The following FHIT variants were observed in gnomAD, a reference collection of about 807,000 sequenced individuals.
FHIT encodes the protein fragile histidine triad diadenosine triphosphatase.
A neutral mutation model predicts 17.9 loss-of-function variants in FHIT; 19 were observed. The ratio of observed to expected loss-of-function variants is 1.06; its 90% CI spans 0.74 to 1.56. The LOEUF (loss-of-function observed/expected upper bound fraction) is 1.56. Ranked by LOEUF, FHIT falls within the 40% of genes most tolerant of loss-of-function variation. The pLI, the probability that FHIT is intolerant of heterozygous loss-of-function variation, is 0.00. For missense variants in FHIT, 248 were observed against 189.2 expected (o/e 1.31, Z -1.82); for synonymous variants, 81 against 69.7 (o/e 1.16, Z -0.81).
intron 5 of FHIT, among the ~76,000 whole-genome samples, chr3:60,240,432 C>T (rs1027633325): frequency 6.6e-6 from 1 of 152,030 alleles, no homozygotes; most frequent in Non-Finnish European, 1.5e-5. Flanking sequence ...CATATGCTAC[C>T]GAGGATGCAA....
chr3:60,563,404 T>C (rs2107647905), intron 4 of FHIT, among the ~76,000 whole-genome samples: 1 of 152,278 alleles, frequency 6.6e-6, no homozygotes, highest in Non-Finnish European at 1.5e-5. Context: ...AACCCTACAA[T>C]CGCCTTTTAA....
intron 8 of FHIT, among the ~76,000 whole-genome samples, chr3:59,781,485 C>T (rs528457835): frequency 1.3e-5 from 2 of 152,208 alleles, no homozygotes; most frequent in East Asian, 3.9e-4. Context: ...TTTGTTTGAC[C>T]TTTAGCTAAA....
At chr3:61,072,817 A>T (rs1207585472) in intron 2 of FHIT, among the ~76,000 whole-genome samples, 4 of 152,186 alleles carry the variant, frequency 2.6e-5, no homozygotes, top group Non-Finnish European at 4.4e-5. Context: ...ATAAAAAATA[A>T]AAAAAAGTCT....
intron 4 of FHIT, among the ~76,000 whole-genome samples, chr3:60,660,727 C>CTTTTT (rs1220817643): frequency 3.3e-3 from 55 of 16,736 alleles, no homozygotes; most frequent in African/African-American, 6.6e-3. Context: ...TTTTATTGTG[C>CTTTTT]TCTTTTTTTT....
chr3:59,777,434 T>C (rs1460237085), intron 8 of FHIT, among the ~76,000 whole-genome samples: 1 of 151,866 alleles, frequency 6.6e-6, no homozygotes, highest in African/African-American at 2.4e-5. Flanking sequence ...GTAAAGTAAA[T>C]AGCACTATCA....
chr3:59,817,526 G>A (rs1700641444), intron 8 of FHIT, among the ~76,000 whole-genome samples: 1 of 129,988 alleles, frequency 7.7e-6, no homozygotes, highest in Admixed American at 9.7e-5. Context: ...TCGTGCCACT[G>A]TACTCCACCC....
At chr3:60,074,707 G>A (rs1442192394) in intron 5 of FHIT, among the ~76,000 whole-genome samples, 1 of 149,674 alleles carries the variant, frequency 6.7e-6, no homozygotes, top group Non-Finnish European at 1.5e-5. Flanking sequence ...TGTTCTTGTT[G>A]GCAGAAATTA....
intron 4 of FHIT, among the ~76,000 whole-genome samples, chr3:60,792,539 T>C (rs1203169932): frequency 6.6e-6 from 1 of 152,224 alleles, no homozygotes; most frequent in Admixed American, 6.5e-5. Context: ...ATTTGCAACA[T>C]AGCCTTGCTG....
intron 5 of FHIT, among the ~76,000 whole-genome samples, chr3:60,158,469 G>C (rs531874534): frequency 6.6e-6 from 1 of 151,954 alleles, no homozygotes; most frequent in Non-Finnish European, 1.5e-5. Context: ...CTGCCACCAG[G>C]CCTAGCTAAT....
chr3:60,900,011 T>C (rs1706029893), intron 3 of FHIT, among the ~76,000 whole-genome samples: 1 of 152,162 alleles, frequency 6.6e-6, no homozygotes, highest in Non-Finnish European at 1.5e-5. Context: ...CTACTTTGCC[T>C]AGCTAAGAAT....
rs1006543606 is a variant in FHIT at position 60,274,579 on chromosome 3, A to G, written c.104-260427T>C. On this transcript the variant is annotated intron_variant, in intron 5 of 9. Transcript: ENST00000492590. Reference sequence around the variant, plus strand: ...ATGATATGGAAACAAAAACTTGTCTATAACAAAAACATGCCCATAGCAATA... The same window carrying G: ...ATGATATGGAAACAAAAACTTGTCTGTAACAAAAACATGCCCATAGCAATA... 5.9e-5 allele frequency among the ~76,000 whole-genome samples: 9 copies of G among 152,248 alleles called. No homozygotes were observed. In the South Asian group the frequency reaches 1.0e-3, roughly 17 times the overall value.
chr3:60,601,649 C>T (rs781917154), intron 4 of FHIT, among the ~76,000 whole-genome samples: 2 of 152,026 alleles, frequency 1.3e-5, no homozygotes, highest in Admixed American at 6.6e-5. Flanking sequence ...AAACTTACTA[C>T]CTGAATGAGG....
chr3:60,051,257 C>T (rs1575980347), intron 5 of FHIT, among the ~76,000 whole-genome samples: 1 of 151,550 alleles, frequency 6.6e-6, no homozygotes, highest in East Asian at 1.9e-4. Flanking sequence ...TAATTTGAGT[C>T]CCTACCTAAG....
chr3:60,107,326 A>G (rs1245987597), intron 5 of FHIT, among the ~76,000 whole-genome samples: 1 of 151,896 alleles, frequency 6.6e-6, no homozygotes, highest in East Asian at 1.9e-4. Flanking sequence ...AAACAAAACT[A>G]AAAAAAATTA....
At chr3:61,209,327 G>T (rs4688354) in intron 1 of FHIT, among the ~76,000 whole-genome samples, 3 of 151,872 alleles carry the variant, frequency 2.0e-5, no homozygotes, top group East Asian at 1.9e-4. Flanking sequence ...GTATCTTTCT[G>T]GCATTCTCTG....
At chr3:60,556,065 C>G (rs550014027) in intron 4 of FHIT, among the ~76,000 whole-genome samples, 1 of 152,258 alleles carries the variant, frequency 6.6e-6, no homozygotes, top group Non-Finnish European at 1.5e-5. Context: ...CTTCCTGGAG[C>G]TAAGAGTTCT....
intron 4 of FHIT, among the ~76,000 whole-genome samples, chr3:60,573,193 G>A (rs1354819802): frequency 6.6e-6 from 1 of 152,094 alleles, no homozygotes; most frequent in Non-Finnish European, 1.5e-5. Flanking sequence ...TGGATGGAAT[G>A]CAATCATGAG....
intron 2 of FHIT, among the ~76,000 whole-genome samples, chr3:61,079,636 T>C (rs1030857251): frequency 3.9e-5 from 6 of 152,222 alleles, no homozygotes; most frequent in African/African-American, 1.4e-4. Flanking sequence ...GTATGAAAGA[T>C]GTATTTCACA....
chr3:60,169,207 G>C (rs543068717), intron 5 of FHIT, among the ~76,000 whole-genome samples: 3 of 152,228 alleles, frequency 2.0e-5, no homozygotes, highest in Non-Finnish European at 4.4e-5. Context: ...CCCCGTTCCT[G>C]CCACTTCACA....
Sources: gnomAD v4.1 joint callset for allele counts (sites outside exome capture counted in the v4.1 genomes callset) on GRCh38, gnomAD v4.1.1 for gene constraint, MANE v1.5 for transcripts, NCBI Gene and HGNC (gene_info 2026-07-23, HGNC 2026-07-21) for gene names.